CFAP57: variants seen among roughly 807,000 people sequenced by gnomAD.
The protein encoded by CFAP57 is cilia and flagella associated protein 57.
Under a neutral mutation model 146.8 loss-of-function variants are expected in CFAP57, and 116 were observed. The ratio of observed to expected loss-of-function variants is 0.79; its 90% CI spans 0.68 to 0.92. The LOEUF (loss-of-function observed/expected upper bound fraction) is 0.92. Among genes scored for constraint, CFAP57 ranks in the 40% least tolerant of loss-of-function variants. CFAP57 has a pLI of 0.00. For missense variants in CFAP57, 1,377 were observed against 1,527.2 expected (o/e 0.90, Z 1.64); for synonymous variants, 518 against 552.8 (o/e 0.94, Z 0.88).
chr1:43,253,738 AG>A (rs1366413626), intron 22 of CFAP57, among the ~76,000 whole-genome samples: 1 of 151,078 alleles, frequency 6.6e-6, no homozygotes, highest in Non-Finnish European at 1.5e-5. Context: ...GGCTCAGGAG[AG>A]GGGCTGGGCT....
intron 1 of CFAP57, 53 bp from the exon 2 acceptor site, chr1:43,172,682 G>T: frequency 6.5e-7 from 1 of 1,547,126 alleles, no homozygotes. Flanking sequence ...CGGGGGCGGG[G>T]TCGGAGCGGG....
chr1:43,244,063 C>G (rs1646025835), intron 22 of CFAP57, among the ~76,000 whole-genome samples: 1 of 152,178 alleles, frequency 6.6e-6, no homozygotes, highest in Admixed American at 6.5e-5. Context: ...TGGATCCTTA[C>G]AAAAGGAATG....
At chr1:43,205,422 T>C (rs1490120201) in intron 9 of CFAP57, among the ~76,000 whole-genome samples, 1 of 152,232 alleles carries the variant, frequency 6.6e-6, no homozygotes, top group East Asian at 1.9e-4. Context: ...GGGGACCTGC[T>C]TTTCCAGGAG....
chr1:43,196,775 A>G (rs1362236646), intron 6 of CFAP57, among the ~76,000 whole-genome samples: 1 of 152,214 alleles, frequency 6.6e-6, no homozygotes, highest in African/African-American at 2.4e-5. Context: ...ACTGGTGATA[A>G]TTAGTGCAGT....
chr1:43,223,365 G>A (rs1412108600), intron 16 of CFAP57, among the ~76,000 whole-genome samples: 1 of 152,230 alleles, frequency 6.6e-6, no homozygotes, highest in East Asian at 1.9e-4. Flanking sequence ...TGAGATAGAT[G>A]AAGTCTTGGC....
chr1:43,234,414 G>A lies in CFAP57; in HGVS notation c.3261+1G>A. 2 of 1,547,220 alleles carry A rather than the reference G, an allele frequency of 1.3e-6. No individual in the cohort carries two copies. Among genetic ancestry groups the A allele is most frequent in the Non-Finnish European group, 1.7e-6 (2 of 1,145,222 alleles). On this transcript the variant is annotated splice_donor_variant, in intron 20 of 22. Coordinates refer to ENST00000372492, the MANE Select transcript of CFAP57 (RefSeq NM_001378189.1). LOFTEE classifies it high-confidence loss of function. ...GAAGTACGTGCAGCGAGCAGACATG[G>A]TAAGCTCAGCCTCCCCTCCTGCCAT...
Position 43,222,249 on chromosome 1 carries a change from A to C in CFAP57, c.2486A>C (p.Glu829Ala). 2.0e-6 allele frequency: 3 copies of C among 1,484,758 alleles called. No individual in the cohort carries two copies. The highest frequency in any genetic ancestry group is 2.7e-6 in the Non-Finnish European group (3 of 1,113,988). 92.0% of individuals were successfully genotyped at this position (1,484,758 alleles called of 1,614,324 possible). ...TKSQALEELT[E>A]FYEAKLQEKT... ...AGCCAGGCCCTGGAGGAGCTGACTG[A>C]GTTTTACGAGGCAAAACTGCAGGAG... The change falls in exon 15 of 23, where the codon GAG (glutamate) becomes GCG (alanine). Residue 829 changes from glutamate (E) to alanine (A), a missense_variant. By Grantham distance (107) the Glu-to-Ala change is moderately radical. Transcript: ENST00000372492.
chr1:43,185,295 G>A lies in CFAP57; in HGVS notation c.908G>A (p.Arg303Lys), dbSNP rs747619273. 1 of 1,614,144 alleles carries A rather than the reference G, an allele frequency of 6.2e-7. No homozygotes were observed. The highest frequency in any genetic ancestry group is 1.1e-5 in the South Asian group (1 of 91,076). The change falls in exon 5 of 23, where the codon AGA (arginine) becomes AAA (lysine). Residue 303 changes from arginine to lysine, a missense_variant. Transcript: ENST00000372492. ...KGFACSAGPG[R>K]VLLFEKMEEK... The stretch of plus-strand genomic sequence containing the variant: ...TTTGCCTGTTCTGCTGGGCCAGGGA[G>A]AGTTCTGCTGTTTGAGAAGATGGAA...
At chr1:43,243,380 G>A (rs1368807648) in intron 22 of CFAP57, 21 bp downstream of exon 22, 14 of 1,508,196 alleles carry the variant, frequency 9.3e-6, no homozygotes, top group Non-Finnish European at 1.2e-5. Context: ...CAGTGGCCAG[G>A]GGAGATGGGC....
chr1:43,248,222 A>G (rs1646187642), intron 22 of CFAP57, among the ~76,000 whole-genome samples: 2 of 150,790 alleles, frequency 1.3e-5, no homozygotes. Flanking sequence ...CAAACTTACT[A>G]TCTTCTCTTT....
In CFAP57 at chr1:43,222,292, A is replaced by G. The variant is rs1645076531; in HGVS notation, c.2529A>G (p.Glu843=). 7.0e-7 allele frequency: 1 copy of G among 1,435,748 alleles called. No individual in the cohort carries two copies. Among genetic ancestry groups the G allele is most frequent in the Admixed American group, 2.8e-5 (1 of 36,160 alleles). The allele number at this position is 1,435,748 out of a possible 1,614,324, so 88.9% of individuals were successfully genotyped here. Residue 843 remains glutamate, a synonymous_variant, in exon 15 of 23, where the codon GAA becomes GAG. Coordinates refer to ENST00000372492, the MANE Select transcript of CFAP57 (RefSeq NM_001378189.1). ...TGCAGGAGAAAACCACCCTTCTGGA[A>G]GAGGTACTCACAGGAAGCCATGCTG... ...AKLQEKTTLL[E]EAQEDVRQQL...
rs1462107993 is a variant in CFAP57 at position 43,205,472 on chromosome 1, C to T, written c.1543-1248C>T. Among the ~76,000 whole-genome samples, 6 of 152,270 alleles carry T rather than the reference C, an allele frequency of 3.9e-5. No individual in the cohort carries two copies. The South Asian group carries it at 6.2e-4, about 16-fold the overall frequency. Reference sequence around the variant, plus strand: ...CTGTGAGTGACACTTGAGGTGTGTGCGTGTGTGTGCACATGCGTGTGTATG... The same window carrying T: ...CTGTGAGTGACACTTGAGGTGTGTGTGTGTGTGTGCACATGCGTGTGTATG... On this transcript the variant is annotated intron_variant, in intron 9 of 22. Transcript: ENST00000372492.
At chr1:43,248,671 A>G (rs1472461358) in intron 22 of CFAP57, among the ~76,000 whole-genome samples, 1 of 152,124 alleles carries the variant, frequency 6.6e-6, no homozygotes, top group African/African-American at 2.4e-5. Context: ...TAACTTCTAA[A>G]TTAGACAAAA....
At chr1:43,207,019 A>G (rs1644387903) in intron 10 of CFAP57, 87 bp downstream of exon 10, 1 of 1,378,738 alleles carries the variant, frequency 7.3e-7, no homozygotes, top group Non-Finnish European at 1.0e-6. Context: ...TATGCACGGA[A>G]TGAGGGCCTC....
At chr1:43,202,034 C>A (rs1644147840) in intron 9 of CFAP57, among the ~76,000 whole-genome samples, 1 of 152,168 alleles carries the variant, frequency 6.6e-6, no homozygotes, top group South Asian at 2.1e-4. Flanking sequence ...CCAAGCTCAC[C>A]AGTCCAGGAA....
chr1:43,250,209 A>G (rs1238375255), intron 22 of CFAP57: 1 of 152,224 alleles, frequency 6.6e-6, no homozygotes, highest in Non-Finnish European at 1.5e-5. Flanking sequence ...CGAAAATCCA[A>G]TAATTTTACC....
chr1:43,234,881 C>T (rs942560969), intron 21 of CFAP57, among the ~76,000 whole-genome samples: 1 of 152,092 alleles, frequency 6.6e-6, no homozygotes, highest in African/African-American at 2.4e-5. Flanking sequence ...CTCCACCCCA[C>T]CCAATGCCCA....
intron 21 of CFAP57, among the ~76,000 whole-genome samples, chr1:43,239,498 G>C (rs373828972): frequency 6.6e-6 from 1 of 152,176 alleles, no homozygotes; most frequent in Non-Finnish European, 1.5e-5. Context: ...TTGCCGGGGG[G>C]CCTTTACAGC....
rs1325380506 is a variant in CFAP57 at position 43,227,076 on chromosome 1, A to G, written c.2959A>G (p.Ile987Val). Reference protein sequence around the residue: ...DYKIKELKKQIEPRENEIRVM... With the variant: ...DYKIKELKKQVEPRENEIRVM... ...CAAAATAAAGGAGCTGAAGAAGCAA[A>G]TAGAACCTCGAGAGAATGAGATCAG... Residue 987 changes from isoleucine to valine, a missense_variant, in exon 18 of 23, where the codon ATA becomes GTA. Transcript: ENST00000372492. The G allele has an allele frequency of 1.9e-6, 3 of 1,545,172 alleles. No homozygotes were observed. Among genetic ancestry groups the G allele is most frequent in the Admixed American group, 2.0e-5 (1 of 50,152 alleles).
Sources: gnomAD v4.1 joint callset for allele counts (sites outside exome capture counted in the v4.1 genomes callset) on GRCh38, gnomAD v4.1.1 for gene constraint, MANE v1.5 for transcripts, NCBI Gene and HGNC (gene_info 2026-07-23, HGNC 2026-07-21) for gene names.